Variants in MTAP observed in about 807,000 individuals in gnomAD.
MTAP encodes the protein S-methyl-5'-thioadenosine phosphorylase.
A neutral mutation model predicts 33.6 loss-of-function variants in MTAP; 33 were observed. The ratio of observed to expected loss-of-function variants is 0.98; its 90% CI spans 0.74 to 1.31. The LOEUF is 1.31. MTAP is among the 40% of genes most tolerant of loss of function. The pLI is 0.00. For synonymous variants in MTAP, 148 were observed against 125.7 expected (o/e 1.18, Z -1.19); for missense variants, 367 against 360.0 (o/e 1.02, Z -0.16).
intron 1 of MTAP, among the ~76,000 whole-genome samples, chr9:21,897,031 C>T (rs2118779420): frequency 6.6e-6 from 1 of 152,304 alleles, no homozygotes; most frequent in Non-Finnish European, 1.5e-5. Flanking sequence ...GCTTATCCAC[C>T]ATGATCAAGT....
In MTAP at chr9:21,866,752, T is replaced by A. The variant is rs1487763348; in HGVS notation, c.*4738T>A. 6.6e-6 allele frequency: 1 copy of A among 152,166 alleles called. No individual in the cohort carries two copies. The highest frequency in any genetic ancestry group is 2.4e-5 in the African/African-American group (1 of 41,466). The allele number at this position is 152,166 out of a possible 1,614,324, so 9.4% of individuals were successfully genotyped here. On this transcript the variant is annotated 3_prime_UTR_variant, in exon 8 of 8. Transcript: ENST00000644715. ...AGTTTATATTAAGCTTCTCCATTTT[T>A]CTTTAAGAAAAAATCTGCTGGAATG...
downstream of MTAP, among the ~76,000 whole-genome samples, chr9:21,939,756 G>A (rs1010886613): frequency 3.9e-5 from 6 of 152,114 alleles, no homozygotes; most frequent in South Asian, 4.2e-4. Context: ...GGTGGTGCAC[G>A]CTTGTAATCC....
At chr9:21,895,063 G>A (rs961945599) in intron 1 of MTAP, among the ~76,000 whole-genome samples, 2 of 152,152 alleles carry the variant, frequency 1.3e-5, no homozygotes, top group Admixed American at 6.5e-5. Context: ...CGTGCTCATA[G>A]ATAGGAAGCA....
chr9:21,899,332 T>C (rs1054168992), intron 1 of MTAP, among the ~76,000 whole-genome samples: 1 of 148,962 alleles, frequency 6.7e-6, no homozygotes, highest in African/African-American at 2.5e-5. Flanking sequence ...TGTATACATA[T>C]GTAACAAACT....
chr9:21,940,876 G>T, downstream of MTAP: 1 of 312,356 alleles, frequency 3.2e-6, no homozygotes, highest in Non-Finnish European at 4.7e-6. Flanking sequence ...GCCAACCATT[G>T]GTGCTTGAAC....
In MTAP at chr9:21,865,381, T is replaced by C. The variant is rs1278508723; in HGVS notation, c.*3367T>C. 4 of 940,014 alleles carry C rather than the reference T, an allele frequency of 4.3e-6. No individual in the cohort carries two copies. Among genetic ancestry groups the C allele is most frequent in the Non-Finnish European group, 5.1e-6 (4 of 788,718 alleles). The allele number at this position is 940,014 out of a possible 1,614,324, so 58.2% of individuals were successfully genotyped here. A position where few individuals can be genotyped will look rare whatever the true frequency, so the allele number is the denominator to read the frequency against. On this transcript the variant is annotated 3_prime_UTR_variant, in exon 8 of 8. Coordinates refer to ENST00000644715, the MANE Select transcript of MTAP (RefSeq NM_002451.4). ...GAACTGTGAGTTAATTAAACCTCTT[T>C]CCTTTATAAATTACCCAGTCATGGG...
At chr9:21,936,488 T>G (rs1259829203) in exon 8 of MTAP, 1 of 152,270 alleles carries the variant, frequency 6.6e-6, no homozygotes, top group African/African-American at 2.4e-5. Context: ...AATGGACATT[T>G]ATTAAATATT....
intron 1 of MTAP, among the ~76,000 whole-genome samples, chr9:21,902,113 C>G (rs1043862140): frequency 6.6e-6 from 1 of 152,172 alleles, no homozygotes; most frequent in Non-Finnish European, 1.5e-5. Flanking sequence ...AACGATATTG[C>G]AATAGCTCAC....
At chr9:21,887,345 A>G (rs576609008) in intron 1 of MTAP, among the ~76,000 whole-genome samples, 1 of 151,302 alleles carries the variant, frequency 6.6e-6, no homozygotes, top group Admixed American at 6.6e-5. Flanking sequence ...CCCACCTATG[A>G]GTGAGAACAT....
chr9:21,914,788 A>C (rs1818646201), intron 1 of MTAP, among the ~76,000 whole-genome samples: 1 of 151,514 alleles, frequency 6.6e-6, no homozygotes, highest in Non-Finnish European at 1.5e-5. Context: ...TAATAATAAA[A>C]AAAAAATAAT....
chr9:21,939,199 C>G (rs1173143394), downstream of MTAP, among the ~76,000 whole-genome samples: 1 of 152,174 alleles, frequency 6.6e-6, no homozygotes, highest in Non-Finnish European at 1.5e-5. Context: ...ATTCTGAGGC[C>G]TCCCCAGCCA....
intron 5 of MTAP, among the ~76,000 whole-genome samples, chr9:21,853,417 T>C (rs1186148512): frequency 6.6e-6 from 1 of 152,218 alleles, no homozygotes; most frequent in Non-Finnish European, 1.5e-5. Flanking sequence ...TGATGTAGCA[T>C]CAACTGTTCA....
At chr9:21,920,536 A>T (rs1047582672) in intron 1 of MTAP, among the ~76,000 whole-genome samples, 2 of 152,194 alleles carry the variant, frequency 1.3e-5, no homozygotes. Context: ...GATTTTACCA[A>T]CAAAAAAGTG....
At chr9:21,911,253 T>G (rs1246046417) in intron 1 of MTAP, among the ~76,000 whole-genome samples, 1 of 152,116 alleles carries the variant, frequency 6.6e-6, no homozygotes, top group East Asian at 1.9e-4. Context: ...ATCCAGGAAT[T>G]GAATTCAGCT....
chr9:21,852,847 G>A (rs920109996), intron 5 of MTAP, among the ~76,000 whole-genome samples: 4 of 152,096 alleles, frequency 2.6e-5, no homozygotes, highest in Admixed American at 6.6e-5. Flanking sequence ...GAGTTAATAT[G>A]AAAGTCCTGA....
intron 5 of MTAP, among the ~76,000 whole-genome samples, chr9:21,853,586 T>C (rs1053339636): frequency 1.3e-5 from 2 of 152,226 alleles, no homozygotes; most frequent in African/African-American, 4.8e-5. Context: ...TTGGAGACTT[T>C]GACTTTGAGT....
intron 4 of MTAP, 140 bp downstream of exon 4, chr9:21,818,342 T>C (rs909434570): frequency 1.4e-6 from 1 of 702,346 alleles, no homozygotes; most frequent in Non-Finnish European, 2.2e-6. Context: ...TTTTTTTTTT[T>C]TTGGAGACGG....
rs890019523 is a variant in MTAP at position 21,859,581 on chromosome 9, G to C, written c.813+156G>C. 3 of 707,592 alleles carry C rather than the reference G, an allele frequency of 4.2e-6. No homozygotes were observed. The African/African-American group carries it at 5.5e-5, about 13-fold the overall frequency. The allele number at this position is 707,592 out of a possible 1,614,324, so 43.8% of individuals were successfully genotyped here. ...TCTACTACTACCATACCAACCACTT[G>C]TGAAACTGAGTAGTCTTATTTTCTG... On this transcript the variant is annotated intron_variant, in intron 7 of 7. Coordinates refer to ENST00000644715, the MANE Select transcript of MTAP (RefSeq NM_002451.4).
intron 1 of MTAP, among the ~76,000 whole-genome samples, chr9:21,883,417 T>C (rs1563858737): frequency 6.6e-6 from 1 of 152,058 alleles, no homozygotes; most frequent in Non-Finnish European, 1.5e-5. Context: ...AGAGTTCTCA[T>C]ACAGTGCTAG....
Sources: allele counts gnomAD v4.1 joint callset (sites outside exome capture counted in the v4.1 genomes callset), GRCh38; gene constraint gnomAD v4.1.1; transcripts MANE v1.5; gene names NCBI Gene and HGNC (gene_info 2026-07-23, HGNC 2026-07-21).